The following KL variants were observed in gnomAD, a reference collection of about 807,000 sequenced individuals.
KL encodes alpha-klotho.
In KL, 62 loss-of-function variants were observed where a neutral mutation model predicts 84.2. That is an observed-to-expected ratio of 0.74 (90% CI 0.60 to 0.91). KL has a LOEUF of 0.91. Ranked by LOEUF, KL falls within the 40% of genes least tolerant of loss-of-function variation. KL has a pLI of 0.00. For missense variants in KL, 1,261 were observed against 1,305.7 expected (o/e 0.97, Z 0.53); for synonymous variants, 528 against 528.0 (o/e 1.00, Z 0.00).
Position 33,060,851 on chromosome 13 carries a change from C to T in KL, c.1772C>T (p.Thr591Ile), listed in dbSNP as rs761895359. 3 of 1,614,214 alleles carry T rather than the reference C, an allele frequency of 1.9e-6. No individual in the cohort carries two copies. The South Asian group carries it at 3.3e-5, about 18-fold the overall frequency. The change falls in exon 4 of 5, where the codon ACA (threonine) becomes ATA (isoleucine). Residue 591 changes from threonine (T) to isoleucine (I), a missense_variant. Transcript: ENST00000380099. ...QIALLQEMHV[T>I]HFRFSLDWAL... is the part of the protein sequence containing the mutation. ...GCTTTACTCCAGGAAATGCACGTTA[C>T]ACATTTTCGCTTCTCCCTGGACTGG... is the stretch of plus-strand genomic sequence containing the variant.
chr13:33,058,078 G>A (rs1872031506), intron 3 of KL, among the ~76,000 whole-genome samples: 1 of 152,006 alleles, frequency 6.6e-6, no homozygotes, highest in Non-Finnish European at 1.5e-5. Context: ...CCACTTTCTC[G>A]GCTGAGAGGT....
At chr13:33,050,266 T>C (rs1871693911) in intron 1 of KL, among the ~76,000 whole-genome samples, 1 of 152,262 alleles carries the variant, frequency 6.6e-6, no homozygotes, top group East Asian at 1.9e-4. Context: ...ACAACAAGCC[T>C]ATAAGATTAA....
chr13:33,031,465 C>A lies in KL; in HGVS notation c.819+14206C>A, dbSNP rs115820091. On this transcript the variant is annotated intron_variant, in intron 1 of 4. Coordinates refer to ENST00000380099, the MANE Select transcript of KL (RefSeq NM_004795.4). ...AAAATCACATATAGAATATTCTGCA[C>A]GCTTAATAATGAGGTCATTATTTAT... Among the ~76,000 whole-genome samples, 326 of 152,048 alleles carry A rather than the reference C, an allele frequency of 2.1e-3. 1 individual carries two copies. The highest frequency in any genetic ancestry group is 7.2e-3 in the African/African-American group (298 of 41,464).
chr13:33,017,229 C>A lies in KL; in HGVS notation c.789C>A (p.Leu263=). 6.3e-7 allele frequency: 1 copy of A among 1,587,974 alleles called. No homozygotes were observed. Among genetic ancestry groups the A allele is most frequent in the Non-Finnish European group, 8.5e-7 (1 of 1,174,198 alleles). The change falls in exon 1 of 5, where the codon CTC becomes CTA. Residue 263 remains leucine (L), a synonymous_variant. Transcript: ENST00000380099. ...CCGGCATCCGGGGCAGCCCGCGGCT[C>A]GGGTACCTGGTGGCGCACAACCTCC... ...LAPGIRGSPR[L]GYLVAHNLLL... is the part of the protein sequence containing the mutation.
At chr13:33,059,236 A>G (rs1317512825) in intron 3 of KL, among the ~76,000 whole-genome samples, 2 of 152,202 alleles carry the variant, frequency 1.3e-5, no homozygotes, top group Admixed American at 6.5e-5. Context: ...CACAGCAGAC[A>G]CATGAAGGAA....
chr13:33,019,018 A>T (rs1391234110), intron 1 of KL, among the ~76,000 whole-genome samples: 1 of 152,212 alleles, frequency 6.6e-6, no homozygotes, highest in African/African-American at 2.4e-5. Context: ...TTCAATGCTT[A>T]CACAAAAAAT....
intron 1 of KL, among the ~76,000 whole-genome samples, chr13:33,027,763 C>T (rs1406792914): frequency 6.6e-6 from 1 of 152,196 alleles, no homozygotes; most frequent in Non-Finnish European, 1.5e-5. Flanking sequence ...TCTGCCCCTA[C>T]ACAACACTCA....
intron 2 of KL, among the ~76,000 whole-genome samples, chr13:33,054,624 T>G (rs958836209): frequency 6.6e-6 from 1 of 152,168 alleles, no homozygotes; most frequent in African/African-American, 2.4e-5. Context: ...TTTGGTTGAA[T>G]AAAACACTTT....
At chr13:33,019,211 C>T (rs934350303) in intron 1 of KL, among the ~76,000 whole-genome samples, 7 of 150,770 alleles carry the variant, frequency 4.6e-5, no homozygotes, top group East Asian at 2.0e-4. Flanking sequence ...TATTTAGAAG[C>T]GAGTTCCCAT....
intron 3 of KL, 25 bp downstream of exon 3, chr13:33,055,340 A>G (rs1871918778): frequency 1.2e-6 from 2 of 1,613,970 alleles, no homozygotes; most frequent in African/African-American, 1.3e-5. Context: ...AAAACCAATC[A>G]GCAGTCTCAC....
rs1174162141 is a variant in KL at position 33,064,072 on chromosome 13, TTTTCACACCCGA to T, written c.2926_2937del (p.Phe976_Arg979del). ...TCACCGTGTGTACTGAGTGCAGTTT[TTTTCACACCCGA>T]AAGTCTTTACTGGCTTTCATAGCTT... On this transcript the variant is annotated inframe_deletion, in exon 5 of 5. Transcript: ENST00000380099. 1.2e-6 allele frequency: 2 copies of T among 1,614,178 alleles called. No individual in the cohort carries two copies. The highest frequency in any genetic ancestry group is 3.3e-5 in the Admixed American group (2 of 60,020).
chr13:33,045,463 G>C (rs1315424600), intron 1 of KL, among the ~76,000 whole-genome samples: 1 of 152,042 alleles, frequency 6.6e-6, no homozygotes, highest in African/African-American at 2.4e-5. Context: ...GTTGGCTGTG[G>C]ATTTTCATAA....
chr13:33,035,636 G>T (rs1315926612), intron 1 of KL, among the ~76,000 whole-genome samples: 4 of 151,952 alleles, frequency 2.6e-5, no homozygotes, highest in Non-Finnish European at 5.9e-5. Context: ...GTTCCCTCAT[G>T]GTTCTCATTT....
chr13:33,059,851 GTT>G (rs1250373851), intron 3 of KL, among the ~76,000 whole-genome samples: 13 of 152,330 alleles, frequency 8.5e-5, no homozygotes, highest in Non-Finnish European at 1.8e-4. Flanking sequence ...AAAGGCAAGA[GTT>G]ATGTTTATTT....
intron 1 of KL, among the ~76,000 whole-genome samples, chr13:33,036,036 A>C (rs1256800527): frequency 6.6e-6 from 1 of 152,000 alleles, no homozygotes; most frequent in Non-Finnish European, 1.5e-5. Flanking sequence ...AAGTAACAAA[A>C]CTCCAAAATT....
chr13:33,024,856 T>C (rs1161278349), intron 1 of KL, among the ~76,000 whole-genome samples: 1 of 152,222 alleles, frequency 6.6e-6, no homozygotes, highest in Non-Finnish European at 1.5e-5. Flanking sequence ...CCGACTCAAC[T>C]ACATTCTCCC....
chr13:33,025,776 G>A (rs924371984), intron 1 of KL, among the ~76,000 whole-genome samples: 1 of 151,974 alleles, frequency 6.6e-6, no homozygotes, highest in African/African-American at 2.4e-5. Context: ...ACCTTACCGC[G>A]GACTCAAATT....
chr13:33,065,023 GA>G lies in KL; in HGVS notation c.*842del. ...AGTGGCTCTAGGTGGAGGAAAGGAG[GA>G]AAAAGTGCTTATTATGTGCAACATT... is the stretch of plus-strand genomic sequence containing the variant. On this transcript the variant is annotated 3_prime_UTR_variant, in exon 5 of 5. Coordinates refer to ENST00000380099, the MANE Select transcript of KL (RefSeq NM_004795.4). 1 of 228,650 alleles carries G rather than the reference GA, an allele frequency of 4.4e-6. No homozygotes were observed. The highest frequency in any genetic ancestry group is 8.7e-6 in the Non-Finnish European group (1 of 115,176). The allele number at this position is 228,650 out of a possible 1,614,324, so 14.2% of individuals were successfully genotyped here.
rs577401687 is a variant in KL, at chr13:33,063,932, C to G, written c.2785C>G (p.Arg929Gly). 1 of 1,614,152 alleles carries G rather than the reference C, an allele frequency of 6.2e-7. No individual in the cohort carries two copies. The highest frequency in any genetic ancestry group is 1.7e-5 in the Admixed American group (1 of 60,024). ...DRTAPRFGLY[R>G]YAADQFEPKA... Reference sequence around the variant, plus strand: ...CACAGCTCCGAGGTTTGGCCTCTATCGTTATGCTGCAGATCAGTTTGAGCC... The same window carrying G: ...CACAGCTCCGAGGTTTGGCCTCTATGGTTATGCTGCAGATCAGTTTGAGCC... Residue 929 changes from arginine (R) to glycine (G), a missense_variant, in exon 5 of 5, where the codon CGT becomes GGT. Physicochemically the swap from Arg to Gly is moderately radical, Grantham distance 125. Coordinates refer to ENST00000380099, the MANE Select transcript of KL (RefSeq NM_004795.4).
Sources: gnomAD v4.1 joint callset for allele counts (sites outside exome capture counted in the v4.1 genomes callset) on GRCh38, gnomAD v4.1.1 for gene constraint, MANE v1.5 for transcripts, NCBI Gene and HGNC (gene_info 2026-07-23, HGNC 2026-07-21) for gene names.